The following AKAP9 variants were observed in gnomAD, a reference collection of about 807,000 sequenced individuals.
AKAP9 encodes A-kinase anchoring protein 9.
A neutral mutation model predicts 488.5 loss-of-function variants in AKAP9; 311 were observed. That is an observed-to-expected ratio of 0.64 (90% CI 0.58 to 0.70). The LOEUF (loss-of-function observed/expected upper bound fraction) is 0.70, where lower values mean the gene tolerates loss of function less well. AKAP9 is among the 30% of genes least tolerant of loss of function. The pLI is 0.00. For missense variants in AKAP9, 4,215 were observed against 4,374.5 expected (o/e 0.96, Z 1.03); for synonymous variants, 1,462 against 1,483.5 (o/e 0.99, Z 0.33).
intron 1 of AKAP9, among the ~76,000 whole-genome samples, chr7:91,962,200 G>A (rs1418337641): frequency 6.6e-6 from 1 of 152,156 alleles, no homozygotes; most frequent in Non-Finnish European, 1.5e-5. Flanking sequence ...CAGATTGAGA[G>A]TAAATAGCTT....
intron 1 of AKAP9, among the ~76,000 whole-genome samples, chr7:91,948,937 A>G (rs868226083): frequency 8.5e-4 from 117 of 137,892 alleles, no homozygotes; most frequent in Middle Eastern, 4.0e-3. Flanking sequence ...TTTTAGCAGA[A>G]ATGGGATTTC....
At chr7:91,948,773 G>A (rs371165116) in intron 1 of AKAP9, among the ~76,000 whole-genome samples, 5 of 151,790 alleles carry the variant, frequency 3.3e-5, no homozygotes, top group Non-Finnish European at 7.4e-5. Context: ...CACCATGCCC[G>A]ATTAATTTTT....
In AKAP9 at chr7:92,097,307, C is replaced by G. The variant is rs770593631; in HGVS notation, c.10348C>G (p.Arg3450Gly). 1 of 1,613,696 alleles carries G rather than the reference C, an allele frequency of 6.2e-7. No homozygotes were observed. Among genetic ancestry groups the G allele is most frequent in the Admixed American group, 1.7e-5 (1 of 60,020 alleles). The change falls in exon 41 of 50, where the codon CGA (arginine) becomes GGA (glycine). Residue 3450 changes from arginine to glycine, a missense_variant. Arg to Gly is a moderately radical substitution (Grantham distance 125, BLOSUM62 -2). Coordinates refer to ENST00000356239, the MANE Select transcript of AKAP9 (RefSeq NM_005751.5). ...MQEFQKQELEREEKRESRRIL... is the reference protein window; with the variant it reads ...MQEFQKQELEGEEKRESRRIL... Reference sequence around the variant, plus strand: ...GGAATTCCAGAAGCAAGAACTAGAACGAGAAGAAAAACGAGAAAGTAGAAG... The same window carrying G: ...GGAATTCCAGAAGCAAGAACTAGAAGGAGAAGAAAAACGAGAAAGTAGAAG...
rs374342815 is a variant in AKAP9, at chr7:92,040,884, A to G, written c.4903A>G (p.Arg1635Gly). The G allele has an allele frequency of 1.2e-6, 2 of 1,612,480 alleles. No individual in the cohort carries two copies. The highest frequency in any genetic ancestry group is 1.7e-5 in the Admixed American group (1 of 59,786). ...ACAAGAAGAGATTAAGAGACTTAAT[A>G]GACAATTAGCCCAGGTAAGGGTCTT... ...QLQEEIKRLN[R>G]QLAQRSSIDN... The change falls in exon 18 of 50, where the codon AGA (arginine) becomes GGA (glycine). Residue 1635 changes from arginine (R) to glycine (G), a missense_variant. By Grantham distance (125) the Arg-to-Gly change is moderately radical. Coordinates refer to ENST00000356239, the MANE Select transcript of AKAP9 (RefSeq NM_005751.5).
chr7:91,997,015 A>G (rs1798485330), intron 7 of AKAP9, among the ~76,000 whole-genome samples: 1 of 152,210 alleles, frequency 6.6e-6, no homozygotes, highest in Non-Finnish European at 1.5e-5. Context: ...ATACACAGGT[A>G]GTAAGTTGAT....
rs767106255 is a variant in AKAP9 at position 92,045,097 on chromosome 7, G to A, written c.5252G>A (p.Arg1751His). Residue 1751 changes from arginine to histidine, a missense_variant, in exon 21 of 50, where the codon CGC becomes CAC. Arg to His is a conservative substitution (Grantham distance 29). This residue lies in a region of AKAP9 where 2,361 missense variants were observed against 2,430.0 expected (regional missense o/e 0.97). Transcript: ENST00000356239. ...TTAAVEETIG[R>H]HVLGILDRSS... ...GCAGCTGTTGAAGAAACAATTGGTC[G>A]CCATGTCCTTGGGATTCTAGATAGA... 8 of 1,613,256 alleles carry A rather than the reference G, an allele frequency of 5.0e-6. No homozygotes were observed. The highest frequency in any genetic ancestry group is 1.7e-5 in the Admixed American group (1 of 59,848).
At chr7:92,098,395 A>AGG (rs530179968) in intron 43 of AKAP9, among the ~76,000 whole-genome samples, 181 bp downstream of exon 43, 1 of 152,070 alleles carries the variant, frequency 6.6e-6, no homozygotes, top group African/African-American at 2.4e-5. Context: ...ATGAAAGCTT[A>AGG]GGGGGGGAAT....
intron 17 of AKAP9, 106 bp downstream of exon 17, chr7:92,038,878 T>A: frequency 5.0e-6 from 4 of 794,852 alleles, no homozygotes; most frequent in South Asian, 1.8e-5. Context: ...GAGGAAAATA[T>A]CAAATTCAGT....
At chr7:92,089,357 A>C in intron 37 of AKAP9, 28 bp from the exon 38 acceptor site, 1 of 1,610,366 alleles carries the variant, frequency 6.2e-7, no homozygotes, top group Non-Finnish European at 8.5e-7. Flanking sequence ...ATTGCTCTTC[A>C]CTTGTTTTTT....
intron 8 of AKAP9, among the ~76,000 whole-genome samples, chr7:92,005,384 CG>C (rs948331321): frequency 3.9e-4 from 60 of 152,020 alleles, no homozygotes; most frequent in African/African-American, 1.4e-3. Context: ...TGTAAAGACA[CG>C]GGTAAGTTTA....
At chr7:91,951,569 C>T (rs895594166) in intron 1 of AKAP9, among the ~76,000 whole-genome samples, 1 of 152,202 alleles carries the variant, frequency 6.6e-6, no homozygotes, top group Non-Finnish European at 1.5e-5. Flanking sequence ...AAGCGGTTCT[C>T]CCACCTTGGC....
intron 7 of AKAP9, among the ~76,000 whole-genome samples, chr7:91,998,885 A>G (rs1254818532): frequency 6.6e-6 from 1 of 152,166 alleles, no homozygotes; most frequent in East Asian, 1.9e-4. Flanking sequence ...TGTGAGATAG[A>G]GGAAATAATA....
chr7:92,084,660 A>C lies in AKAP9; in HGVS notation c.8667A>C (p.Leu2889=), dbSNP rs1442096838. ...RSKEGSSIPE[L]AHSDAYQTRE... ...ATTAGGGATCCTCAATTCCTGAGCT[A>C]GCACATTCTGATGCTTACCAGACTA... Residue 2889 remains leucine (L), a synonymous_variant, in exon 34 of 50, where the codon CTA becomes CTC. Transcript: ENST00000356239. 6.2e-7 allele frequency: 1 copy of C among 1,610,684 alleles called. No individual in the cohort carries two copies. Among genetic ancestry groups the C allele is most frequent in the East Asian group, 2.2e-5 (1 of 44,778 alleles).
intron 31 of AKAP9, 66 bp from the exon 32 acceptor site, chr7:92,082,456 A>G: frequency 6.5e-7 from 1 of 1,543,704 alleles, no homozygotes; most frequent in Admixed American, 1.7e-5. Context: ...TAGAATGTAT[A>G]AGAGCCTTGA....
chr7:91,999,428 GA>G (rs1798854107), intron 7 of AKAP9, among the ~76,000 whole-genome samples: 1 of 152,124 alleles, frequency 6.6e-6, no homozygotes, highest in Admixed American at 6.5e-5. Context: ...GTTTCACCAT[GA>G]GGCTAATGTT....
Position 92,086,222 on chromosome 7 carries a change from T to G in AKAP9, c.9025-6T>G. The G allele has an allele frequency of 6.2e-7, 1 of 1,611,702 alleles. No homozygotes were observed. The highest frequency in any genetic ancestry group is 8.5e-7 in the Non-Finnish European group (1 of 1,177,866). ...AAACTAACTATCGTTATATGTACTT[T>G]GCTAGGTTTATGATAGTTCTCAATC... On this transcript the variant is annotated splice_polypyrimidine_tract_variant and splice_region_variant and intron_variant, in intron 36 of 49. Transcript: ENST00000356239.
intron 1 of AKAP9, among the ~76,000 whole-genome samples, chr7:91,971,055 C>T (rs138150630): frequency 6.6e-6 from 1 of 152,264 alleles, no homozygotes; most frequent in Non-Finnish European, 1.5e-5. Flanking sequence ...TAAGTGAACA[C>T]ATTCAGTAAA....
At chr7:92,109,952 GGGGT>G (rs1338854312) in intron 49 of AKAP9, among the ~76,000 whole-genome samples, 166 bp from the exon 50 acceptor site, 1 of 152,052 alleles carries the variant, frequency 6.6e-6, no homozygotes, top group Non-Finnish European at 1.5e-5. Flanking sequence ...CTCCACCTTG[GGGGT>G]AGTGGGGAGA....
chr7:91,951,652 A>T lies in AKAP9; in HGVS notation c.48+10505A>T, dbSNP rs527932070. ...TTTTCTCTTTTCTGTCTCATGTATC[A>T]TCATATTTTCTAGGCTCAGTAGTTT... On this transcript the variant is annotated intron_variant, in intron 1 of 49. Coordinates refer to ENST00000356239, the MANE Select transcript of AKAP9 (RefSeq NM_005751.5). 3.9e-5 allele frequency among the ~76,000 whole-genome samples: 6 copies of T among 152,294 alleles called. No homozygotes were observed. In the South Asian group the frequency reaches 1.2e-3, roughly 32 times the overall value.
Sources: allele counts gnomAD v4.1 joint callset (sites outside exome capture counted in the v4.1 genomes callset), GRCh38; gene constraint gnomAD v4.1.1; regional missense constraint gnomAD v4.1.1; transcripts MANE v1.5; gene names NCBI Gene and HGNC (gene_info 2026-07-23, HGNC 2026-07-21).